MBOAT7: variants seen among roughly 807,000 people sequenced by gnomAD.
MBOAT7 encodes the protein membrane bound acylglycerophosphatidylinositol O-acyltransferase MBOAT7, also known as membrane-bound acylglycerophosphatidylinositol O-acyltransferase MBOAT7.
In MBOAT7, 40 loss-of-function variants were observed where a neutral mutation model predicts 47.4. That is an observed-to-expected ratio of 0.84 (90% CI 0.66 to 1.10). The LOEUF (loss-of-function observed/expected upper bound fraction) is 1.10, where lower values mean the gene tolerates loss of function less well. Ranked by LOEUF, MBOAT7 falls within the 50% of genes least tolerant of loss-of-function variation. The pLI is 0.00. For synonymous variants in MBOAT7, 361 were observed against 292.0 expected (o/e 1.24, Z -2.41); for missense variants, 680 against 655.6 (o/e 1.04, Z -0.41).
rs2075982586 is a variant in MBOAT7 at position 54,173,778 on chromosome 19, G to C, written c.*266C>G. ...CCCTTCCGTTTTGGGGAAGTGCAGT[G>C]CTCTCTGGATACCCAGAAGCTGGAG... On this transcript the variant is annotated 3_prime_UTR_variant, in exon 8 of 8. Coordinates refer to ENST00000245615, the MANE Select transcript of MBOAT7 (RefSeq NM_024298.5). 1 of 438,154 alleles carries C rather than the reference G, an allele frequency of 2.3e-6. No individual in the cohort carries two copies. Among genetic ancestry groups the C allele is most frequent in the South Asian group, 4.9e-5 (1 of 20,392 alleles). 27.1% of individuals were successfully genotyped at this position (438,154 alleles called of 1,614,324 possible). A position where few individuals can be genotyped will look rare whatever the true frequency, so the allele number is the denominator to read the frequency against.
At chr19:54,175,182 G>A (rs535474165) in intron 7 of MBOAT7, among the ~76,000 whole-genome samples, 2 of 152,074 alleles carry the variant, frequency 1.3e-5, no homozygotes, top group East Asian at 3.9e-4. Flanking sequence ...GTTTCACCGT[G>A]TTAGCCAGGA....
chr19:54,174,069 G>A lies in MBOAT7; in HGVS notation c.1394C>T (p.Ala465Val), dbSNP rs2075996583. 1 of 1,603,726 alleles carries A rather than the reference G, an allele frequency of 6.2e-7. No individual in the cohort carries two copies. Among genetic ancestry groups the A allele is most frequent in the Non-Finnish European group, 8.5e-7 (1 of 1,176,180 alleles). Residue 465 changes from alanine (A) to valine (V), a missense_variant, in exon 8 of 8, where the codon GCC (alanine) becomes GTC (valine). Physicochemically the swap from Ala to Val is moderately conservative, Grantham distance 64. Transcript: ENST00000245615. ...RKAASQPTSL[A>V]PEKLREE Reference sequence around the variant, plus strand: ...TTACTCCTCCCGGAGCTTCTCCGGGGCAAGGCTGGTGGGCTGGGATGCTGC... The same window carrying A: ...TTACTCCTCCCGGAGCTTCTCCGGGACAAGGCTGGTGGGCTGGGATGCTGC...
intron 4 of MBOAT7, among the ~76,000 whole-genome samples, chr19:54,186,402 C>T (rs968453502): frequency 5.3e-5 from 8 of 152,202 alleles, no homozygotes; most frequent in African/African-American, 1.9e-4. Context: ...AGATCTCAAT[C>T]CTCCACGGGA....
chr19:54,178,241 C>T (rs1310710918), intron 7 of MBOAT7: 4 of 991,836 alleles, frequency 4.0e-6, no homozygotes, highest in African/African-American at 1.7e-5. Flanking sequence ...GCACAGATAA[C>T]AGTGTCAAGC....
chr19:54,189,533 A>C lies in MBOAT7; in HGVS notation c.-199T>G, dbSNP rs1314327720. 1.3e-5 allele frequency: 2 copies of C among 152,590 alleles called. No homozygotes were observed. The highest frequency in any genetic ancestry group is 4.8e-5 in the African/African-American group (2 of 41,480). The allele number at this position is 152,590 out of a possible 1,614,324, so 9.5% of individuals were successfully genotyped here. ...GGGCAGGGAAGAAGCCCCGGAGCAG[A>C]AGCCGAGAGCGCGAGTCGGCAACGG... On this transcript the variant is annotated 5_prime_UTR_variant, in exon 1 of 8. Transcript: ENST00000245615.
In MBOAT7 at chr19:54,173,813, G is replaced by A. The variant is rs2075983580; in HGVS notation, c.*231C>T. ...TACCCAGAAGCTGGAGCAGGGGCCA[G>A]TGACTCTTGTCTGGACAATACTTTG... On this transcript the variant is annotated 3_prime_UTR_variant, in exon 8 of 8. Transcript: ENST00000245615. The A allele has an allele frequency of 2.1e-6, 1 of 485,108 alleles. No homozygotes were observed. Among genetic ancestry groups the A allele is most frequent in the African/African-American group, 2.0e-5 (1 of 49,374 alleles). The allele number at this position is 485,108 out of a possible 1,614,324, so 30.1% of individuals were successfully genotyped here. A position where few individuals can be genotyped will look rare whatever the true frequency, so the allele number is the denominator to read the frequency against.
chr19:54,178,376 T>C (rs1363249363), intron 7 of MBOAT7: 7 of 1,144,418 alleles, frequency 6.1e-6, no homozygotes, highest in Non-Finnish European at 5.4e-6. Context: ...AGTCCTTCTA[T>C]CTACCTATGA....
At chr19:54,186,431 C>T (rs911658814) in intron 4 of MBOAT7, among the ~76,000 whole-genome samples, 75 of 152,316 alleles carry the variant, frequency 4.9e-4, no homozygotes, top group African/African-American at 1.6e-3. Flanking sequence ...AATGTCCTCA[C>T]GGTCTCCAGC....
intron 7 of MBOAT7, among the ~76,000 whole-genome samples, chr19:54,176,889 T>C (rs935665222): frequency 6.6e-5 from 10 of 151,806 alleles, no homozygotes; most frequent in Non-Finnish European, 1.5e-4. Flanking sequence ...CTCATCTCTA[T>C]ACATTTTTTA....
chr19:54,178,999 C>T lies in MBOAT7; in HGVS notation c.855-58G>A, dbSNP rs1004481760. 8.8e-6 allele frequency: 14 copies of T among 1,583,494 alleles called. No homozygotes were observed. In the East Asian group the frequency reaches 2.0e-4, roughly 23 times the overall value. On this transcript the variant is annotated intron_variant, in intron 6 of 7. Coordinates refer to ENST00000245615, the MANE Select transcript of MBOAT7 (RefSeq NM_024298.5). ...CATGCAGCTCAGCCAGGCCCCCTCC[C>T]GACGCCTGCTAGTGTCCCAGCCCCG...
chr19:54,182,694 A>T (rs958594244), intron 5 of MBOAT7, among the ~76,000 whole-genome samples: 14 of 152,086 alleles, frequency 9.2e-5, no homozygotes, highest in Admixed American at 7.9e-4. Flanking sequence ...ACACACATGC[A>T]CACACACATA....
intron 1 of MBOAT7, 45 bp from the exon 2 acceptor site, chr19:54,188,556 GC>G: frequency 6.6e-7 from 1 of 1,525,466 alleles, no homozygotes; most frequent in East Asian, 2.5e-5. Flanking sequence ...AGGAATCCAG[GC>G]CCCCTGCCTC....
Position 54,178,907 on chromosome 19 carries a change from C to T in MBOAT7, c.889G>A (p.Glu297Lys). The T allele has an allele frequency of 6.2e-7, 1 of 1,613,358 alleles. No homozygotes were observed. The highest frequency in any genetic ancestry group is 8.5e-7 in the Non-Finnish European group (1 of 1,180,002). ...TAGCAGTCGATGTTGCGGATGGTCT[C>T]ATAGTCATACTCCAAGGAAGCCGCC... is the stretch of plus-strand genomic sequence containing the variant. Reference protein sequence around the residue: ...EKAASLEYDYETIRNIDCYST... With the variant: ...EKAASLEYDYKTIRNIDCYST... Residue 297 changes from glutamate (E) to lysine (K), a missense_variant, in exon 7 of 8, where the codon GAG (glutamate) becomes AAG (lysine). Transcript: ENST00000245615.
intron 3 of MBOAT7, among the ~76,000 whole-genome samples, chr19:54,187,853 TA>T (rs1242636549): frequency 3.3e-5 from 5 of 151,990 alleles, no homozygotes; most frequent in Admixed American, 1.3e-4. Flanking sequence ...CCAGCTCTAT[TA>T]AAAATTCAAG....
intron 7 of MBOAT7, among the ~76,000 whole-genome samples, chr19:54,176,154 C>T (rs934687941): frequency 9.2e-5 from 14 of 152,214 alleles, no homozygotes; most frequent in African/African-American, 3.4e-4. Context: ...CGCGCCCAGC[C>T]TCTTTTTTTT....
intron 3 of MBOAT7, among the ~76,000 whole-genome samples, chr19:54,187,628 G>A (rs2076466519): frequency 6.6e-6 from 1 of 152,222 alleles, no homozygotes; most frequent in African/African-American, 2.4e-5. Flanking sequence ...ACGGTGGCCA[G>A]GCCAGCAGAC....
Position 54,178,870 on chromosome 19 carries a change from A to G in MBOAT7, c.926T>C (p.Phe309Ser). The change falls in exon 7 of 8, where the codon TTC becomes TCC. Residue 309 changes from phenylalanine to serine, a missense_variant. Physicochemically the swap from Phe to Ser is radical, Grantham distance 155. Transcript: ENST00000245615. ...IRNIDCYSTD[F>S]CVRVRDGMRY... The stretch of plus-strand genomic sequence containing the variant: ...CATGCCATCGCGCACCCGCACGCAG[A>G]AATCTGTGCTGTAGCAGTCGATGTT... 1 of 1,613,704 alleles carries G rather than the reference A, an allele frequency of 6.2e-7. No individual in the cohort carries two copies. Among genetic ancestry groups the G allele is most frequent in the South Asian group, 1.1e-5 (1 of 91,088 alleles).
intron 4 of MBOAT7, chr19:54,186,854 C>T (rs1424952791): frequency 1.3e-5 from 5 of 393,006 alleles, no homozygotes; most frequent in Non-Finnish European, 2.3e-5. Flanking sequence ...TAGCTGGCTA[C>T]AGAGATTCAA....
chr19:54,176,507 G>A (rs531705445), intron 7 of MBOAT7, among the ~76,000 whole-genome samples: 6 of 152,196 alleles, frequency 3.9e-5, no homozygotes, highest in East Asian at 3.9e-4. Context: ...GCAGTGAGCC[G>A]AGATCACGCC....
Sources: allele counts gnomAD v4.1 joint callset (sites outside exome capture counted in the v4.1 genomes callset), GRCh38; gene constraint gnomAD v4.1.1; transcripts MANE v1.5; gene names NCBI Gene and HGNC (gene_info 2026-07-23, HGNC 2026-07-21).